LRP1B: variants seen among roughly 807,000 people sequenced by gnomAD.
LRP1B encodes LDL receptor related protein 1B.
LRP1B carries 217 observed loss-of-function variants against 556.6 expected under a neutral mutation model. The observed-to-expected ratio is 0.39, with a 90% confidence interval of 0.35 to 0.44. The LOEUF (loss-of-function observed/expected upper bound fraction) is 0.44. Ranked by LOEUF, LRP1B falls within the 20% of genes least tolerant of loss-of-function variation. LRP1B has a pLI of 1.00. For missense variants in LRP1B, 5,053 were observed against 5,620.8 expected (o/e 0.90, Z 3.23); for synonymous variants, 2,047 against 1,865.8 (o/e 1.10, Z -2.50).
In LRP1B at chr2:142,081,127, G is replaced by C. The variant is rs371165534; in HGVS notation, c.82+49521C>G. On this transcript the variant is annotated intron_variant, in intron 1 of 90. Coordinates refer to ENST00000389484, the MANE Select transcript of LRP1B (RefSeq NM_018557.3). ...TCATGAAGTATGGAGTTAAAGAGAAGTAATAAATAAAGTTGAATGGAAATA... is the reference window on the plus strand; with the variant it reads ...TCATGAAGTATGGAGTTAAAGAGAACTAATAAATAAAGTTGAATGGAAATA... Among the ~76,000 whole-genome samples, 26 of 152,208 alleles carry C rather than the reference G, an allele frequency of 1.7e-4. No individual in the cohort carries two copies. In the South Asian group the frequency reaches 3.3e-3, roughly 19 times the overall value.
chr2:141,533,993 G>A lies in LRP1B; in HGVS notation c.206-53460C>T, dbSNP rs912497229. Reference sequence around the variant, plus strand: ...TAGAAACAAACAATGTTTCAAGAGTGGTTAATGATTCTCTCTCTCTCTCAT... The same window carrying A: ...TAGAAACAAACAATGTTTCAAGAGTAGTTAATGATTCTCTCTCTCTCTCAT... On this transcript the variant is annotated intron_variant, in intron 2 of 90. Coordinates refer to ENST00000389484, the MANE Select transcript of LRP1B (RefSeq NM_018557.3). Among the ~76,000 whole-genome samples, 11 of 152,120 alleles carry A rather than the reference G, an allele frequency of 7.2e-5. No homozygotes were observed. The Middle Eastern group carries it at 0.01, about 141-fold the overall frequency.
chr2:140,871,394 TA>T, intron 25 of LRP1B, among the ~76,000 whole-genome samples: 2 of 152,260 alleles, frequency 1.3e-5, no homozygotes, highest in East Asian at 3.9e-4. Flanking sequence ...ACAGTCTTGC[TA>T]ACTGTTAAGG....
chr2:142,045,282 A>G (rs1704217609), intron 1 of LRP1B, among the ~76,000 whole-genome samples: 1 of 151,846 alleles, frequency 6.6e-6, no homozygotes, highest in South Asian at 2.1e-4. Context: ...TTCTATTCCT[A>G]TCACAGTTCA....
chr2:141,503,453 C>T (rs111576398), intron 2 of LRP1B, among the ~76,000 whole-genome samples: 2 of 151,660 alleles, frequency 1.3e-5, no homozygotes, highest in Non-Finnish European at 2.9e-5. Flanking sequence ...TATCAATTGC[C>T]AAGTCTAAAT....
chr2:140,845,604 A>G (rs997574338), intron 29 of LRP1B, among the ~76,000 whole-genome samples: 2 of 152,010 alleles, frequency 1.3e-5, no homozygotes, highest in Admixed American at 1.3e-4. Context: ...ATAAATTATT[A>G]TATGTAGGAT....
intron 17 of LRP1B, among the ~76,000 whole-genome samples, chr2:140,985,351 T>C (rs948047355): frequency 6.6e-6 from 1 of 150,934 alleles, no homozygotes; most frequent in African/African-American, 2.4e-5. Context: ...TTAGGGTTTT[T>C]TAAAATCAAT....
intron 32 of LRP1B, among the ~76,000 whole-genome samples, chr2:140,781,586 C>T (rs1197365711): frequency 1.3e-5 from 2 of 152,074 alleles, no homozygotes; most frequent in African/African-American, 4.8e-5. Context: ...CATTATAGAC[C>T]TAATATTCTA....
At chr2:140,389,234 G>T (rs902880465) in intron 66 of LRP1B, among the ~76,000 whole-genome samples, 10 of 151,892 alleles carry the variant, frequency 6.6e-5, no homozygotes, top group Non-Finnish European at 1.3e-4. Context: ...TTAAATAGGA[G>T]AATTATATGT....
intron 1 of LRP1B, among the ~76,000 whole-genome samples, chr2:141,888,849 C>A (rs1168383182): frequency 6.6e-6 from 1 of 152,096 alleles, no homozygotes; most frequent in African/African-American, 2.4e-5. Context: ...GACTATTTTA[C>A]CCTTCAATTC....
At chr2:141,975,755 G>A (rs371919438) in intron 1 of LRP1B, among the ~76,000 whole-genome samples, 6 of 152,112 alleles carry the variant, frequency 3.9e-5, no homozygotes, top group Admixed American at 3.9e-4. Flanking sequence ...AGGGAATGAA[G>A]CCATATGTAT....
In LRP1B at chr2:140,833,200, G is replaced by GAATA. The variant is rs1489160365; in HGVS notation, c.5209+6787_5209+6790dup. ...TGGGTTAGAGAATGAATGAATGAAT[G>GAATA]AATACAAATTATTGTCAAATAAAAG... is the stretch of plus-strand genomic sequence containing the variant. On this transcript the variant is annotated intron_variant, in intron 31 of 90. Coordinates refer to ENST00000389484, the MANE Select transcript of LRP1B (RefSeq NM_018557.3). Among the ~76,000 whole-genome samples the GAATA allele has an allele frequency of 3.3e-5, 5 of 152,104 alleles. No homozygotes were observed. The East Asian group carries it at 9.7e-4, about 29-fold the overall frequency.
intron 1 of LRP1B, among the ~76,000 whole-genome samples, chr2:142,079,072 A>G (rs1705616365): frequency 6.6e-6 from 1 of 152,168 alleles, no homozygotes; most frequent in African/African-American, 2.4e-5. Flanking sequence ...TTGAAATGCC[A>G]TTACATTTAA....
At chr2:141,100,700 A>G (rs1005260371) in intron 7 of LRP1B, among the ~76,000 whole-genome samples, 13 of 152,150 alleles carry the variant, frequency 8.5e-5, no homozygotes, top group African/African-American at 3.1e-4. Context: ...CTGTAGGTCC[A>G]CTGAGGGTTT....
chr2:141,209,034 C>T (rs546995512), intron 6 of LRP1B, among the ~76,000 whole-genome samples: 8 of 151,766 alleles, frequency 5.3e-5, no homozygotes, highest in African/African-American at 1.9e-4. Context: ...TATATACACT[C>T]ATATTACATC....
chr2:141,790,738 A>G (rs1558877286), intron 2 of LRP1B, among the ~76,000 whole-genome samples: 1 of 151,960 alleles, frequency 6.6e-6, no homozygotes, highest in Non-Finnish European at 1.5e-5. Flanking sequence ...TTGTTGTTGT[A>G]TAGAAAAATG....
intron 2 of LRP1B, among the ~76,000 whole-genome samples, chr2:141,726,640 A>G (rs896974377): frequency 1.3e-5 from 2 of 152,214 alleles, no homozygotes; most frequent in Admixed American, 1.3e-4. Flanking sequence ...AGAATTTGTA[A>G]CTATCCAGAG....
At chr2:140,814,701 A>G (rs560997391) in intron 31 of LRP1B, among the ~76,000 whole-genome samples, 3 of 152,326 alleles carry the variant, frequency 2.0e-5, no homozygotes, top group East Asian at 3.9e-4. Context: ...TAATTTTACC[A>G]AAGTACAGAA....
Position 141,150,869 on chromosome 2 carries a change from T to TTGTGTGTGTGTGTGTG in LRP1B, c.1013+37536_1013+37551dup, listed in dbSNP as rs56107003. Among the ~76,000 whole-genome samples, 171 of 138,692 alleles carry TTGTGTGTGTGTGTGTG rather than the reference T, an allele frequency of 1.2e-3. 2 individuals carry two copies. The highest frequency in any genetic ancestry group is 3.1e-3 in the South Asian group (13 of 4,204). The allele number at this position is 138,692 out of a possible 152,430, so 91.0% of individuals were successfully genotyped here. On this transcript the variant is annotated intron_variant, in intron 7 of 90. Coordinates refer to ENST00000389484, the MANE Select transcript of LRP1B (RefSeq NM_018557.3). The stretch of plus-strand genomic sequence containing the variant: ...ATGGCCTTCATATTGTCATGCTGGT[T>TTGTGTGTGTGTGTGTG]TGTGTGTGTGTGTGTGTGTGTGTGT...
chr2:140,358,205 C>G (rs1016390564), intron 73 of LRP1B, 89 bp from the exon 74 acceptor site: 1 of 1,214,200 alleles, frequency 8.2e-7, no homozygotes, highest in Non-Finnish European at 1.2e-6. Flanking sequence ...TTACTAACTA[C>G]TATGAAAAAC....
Sources: allele counts gnomAD v4.1 joint callset (sites outside exome capture counted in the v4.1 genomes callset), GRCh38; gene constraint gnomAD v4.1.1; transcripts MANE v1.5; gene names NCBI Gene and HGNC (gene_info 2026-07-23, HGNC 2026-07-21).